The following SAMD7 variants were observed in gnomAD, a reference collection of about 807,000 sequenced individuals.
SAMD7 encodes the protein sterile alpha motif domain containing 7.
Under a neutral mutation model 36.7 loss-of-function variants are expected in SAMD7, and 34 were observed. The ratio of observed to expected loss-of-function variants is 0.93; its 90% CI spans 0.71 to 1.23. The LOEUF is 1.23. SAMD7 is among the 50% of genes most tolerant of loss of function. The pLI is 0.00. For synonymous variants in SAMD7, 188 were observed against 189.7 expected, an observed-to-expected ratio of 0.99 and a Z score of 0.07; for missense variants, 570 against 546.6, an observed-to-expected ratio of 1.04 and a Z score of -0.43.
intron 1 of SAMD7, among the ~76,000 whole-genome samples, chr3:169,914,926 C>G (rs948371689): frequency 4.6e-5 from 7 of 152,334 alleles, no homozygotes; most frequent in African/African-American, 1.7e-4. Context: ...CTCAATAGCA[C>G]TAGTCACCAT....
At chr3:169,918,289 T>C (rs1712902272) in intron 2 of SAMD7, among the ~76,000 whole-genome samples, 1 of 152,200 alleles carries the variant, frequency 6.6e-6, no homozygotes. Flanking sequence ...ACTGCAGTCA[T>C]CTTGCTGTGC....
At chr3:169,912,536 G>C (rs933623967) in intron 1 of SAMD7, among the ~76,000 whole-genome samples, 11 of 152,114 alleles carry the variant, frequency 7.2e-5, no homozygotes, top group Admixed American at 3.3e-4. Flanking sequence ...AAATTATATT[G>C]AGTCCAGTAG....
intron 7 of SAMD7, among the ~76,000 whole-genome samples, chr3:169,933,588 T>C (rs1713604317): frequency 6.6e-6 from 1 of 152,222 alleles, no homozygotes; most frequent in Admixed American, 6.5e-5. Context: ...GAGTGGAACA[T>C]TTCAGTCCTT....
In SAMD7 at chr3:169,928,595, G is replaced by A; in HGVS notation, c.1041+17G>A. The A allele has an allele frequency of 1.2e-6, 2 of 1,610,188 alleles. No individual in the cohort carries two copies. Among genetic ancestry groups the A allele is most frequent in the Non-Finnish European group, 1.7e-6 (2 of 1,178,254 alleles). ...TATGCTCAGGTGACTTAATGTTTAA[G>A]TATTTCCATACAAGAAAAACAGTTT... On this transcript the variant is annotated intron_variant, in intron 7 of 8. Coordinates refer to ENST00000335556, the MANE Select transcript of SAMD7 (RefSeq NM_001304366.2).
intron 2 of SAMD7, among the ~76,000 whole-genome samples, chr3:169,916,135 T>G (rs1340821467): frequency 6.6e-6 from 1 of 152,140 alleles, no homozygotes; most frequent in Non-Finnish European, 1.5e-5. Flanking sequence ...TGGACGAACC[T>G]GAAGGACATT....
intron 7 of SAMD7, among the ~76,000 whole-genome samples, chr3:169,928,797 G>A (rs957438203): frequency 6.6e-6 from 1 of 152,112 alleles, no homozygotes; most frequent in Non-Finnish European, 1.5e-5. Context: ...GCCATTGTCT[G>A]TCTTTAGCTT....
At chr3:169,912,964 G>C (rs1476409774) in intron 1 of SAMD7, among the ~76,000 whole-genome samples, 1 of 152,254 alleles carries the variant, frequency 6.6e-6, no homozygotes, top group Non-Finnish European at 1.5e-5. Context: ...GACTACAAAG[G>C]CCTCTGCAAA....
intron 3 of SAMD7, among the ~76,000 whole-genome samples, chr3:169,920,576 C>G (rs1442592816): frequency 3.9e-5 from 6 of 152,274 alleles, no homozygotes; most frequent in African/African-American, 1.4e-4. Context: ...ACTGGGTACC[C>G]TGGATTTCCC....
chr3:169,914,239 C>T (rs539176779), intron 1 of SAMD7, among the ~76,000 whole-genome samples: 1 of 152,230 alleles, frequency 6.6e-6, no homozygotes, highest in East Asian at 1.9e-4. Flanking sequence ...GTGTCCACTC[C>T]ATTTTTCTGT....
chr3:169,926,462 T>G, intron 5 of SAMD7, 91 bp from the exon 6 acceptor site: 1 of 1,323,992 alleles, frequency 7.6e-7, no homozygotes, highest in Non-Finnish European at 1.0e-6. Context: ...ATAAACAGTG[T>G]GAGGACTATT....
chr3:169,927,217 A>T lies in SAMD7; in HGVS notation c.919+36A>T, dbSNP rs776610019. The T allele has an allele frequency of 4.0e-6, 6 of 1,496,180 alleles. No homozygotes were observed. The African/African-American group carries it at 8.4e-5, about 21-fold the overall frequency. The allele number at this position is 1,496,180 out of a possible 1,614,324, so 92.7% of individuals were successfully genotyped here. A position where few individuals can be genotyped will look rare whatever the true frequency, so the allele number is the denominator to read the frequency against. On this transcript the variant is annotated intron_variant, in intron 6 of 8. Coordinates refer to ENST00000335556, the MANE Select transcript of SAMD7 (RefSeq NM_001304366.2). ...AGGGGCCAATGGCAGATCCTCATTA[A>T]CTACAGGTTGCCAAGTCCGTAGGTT...
chr3:169,915,730 G>T (rs532963242), intron 2 of SAMD7, among the ~76,000 whole-genome samples: 1 of 150,610 alleles, frequency 6.6e-6, no homozygotes, highest in East Asian at 2.0e-4. Flanking sequence ...GACTACAGGC[G>T]CCACACCCGG....
chr3:169,928,351 C>A (rs908531113), intron 6 of SAMD7, 106 bp from the exon 7 acceptor site: 10 of 821,704 alleles, frequency 1.2e-5, no homozygotes, highest in South Asian at 2.0e-5. Context: ...TCTTGTAAGG[C>A]GTTTGCAAAT....
chr3:169,915,094 T>C (rs1426807343), intron 1 of SAMD7, among the ~76,000 whole-genome samples: 2 of 152,222 alleles, frequency 1.3e-5, no homozygotes, highest in Non-Finnish European at 2.9e-5. Context: ...ATAATCCATA[T>C]GCAAAGGAGA....
chr3:169,929,752 A>T (rs564931371), intron 7 of SAMD7, among the ~76,000 whole-genome samples: 1 of 152,336 alleles, frequency 6.6e-6, no homozygotes, highest in Admixed American at 6.5e-5. Context: ...CATGAATTTC[A>T]TCATTATACC....
chr3:169,934,090 A>G lies in SAMD7; in HGVS notation c.1042-2249A>G, dbSNP rs114613991. Among the ~76,000 whole-genome samples, 769 of 152,248 alleles carry G rather than the reference A, an allele frequency of 5.1e-3. 3 individuals are homozygous for G. The highest frequency in any genetic ancestry group is 0.018 in the African/African-American group (733 of 41,548). On this transcript the variant is annotated intron_variant, in intron 7 of 8. Transcript: ENST00000335556. ...GGAGAGGTGGGGAGAGCAAGATGAG[A>G]CTGGAGAGGTGGACAGGGCCAGGTC...
Position 169,919,515 on chromosome 3 carries a change from T to C in SAMD7, c.17T>C (p.Leu6Ser). 1 of 1,614,176 alleles carries C rather than the reference T, an allele frequency of 6.2e-7. No homozygotes were observed. The highest frequency in any genetic ancestry group is 8.5e-7 in the Non-Finnish European group (1 of 1,180,006). Residue 6 changes from leucine to serine, a missense_variant, in exon 3 of 9, where the codon TTA becomes TCA. Leu to Ser is a moderately radical substitution (Grantham distance 145). Coordinates refer to ENST00000335556, the MANE Select transcript of SAMD7 (RefSeq NM_001304366.2). ...AACCCGGTGATGGCTGTGAACCCTT[T>C]ATTGACACCAACAGGGCAGCAGACA... is the stretch of plus-strand genomic sequence containing the variant. MAVNPLLTPTGQQTIP... is the reference protein window; with the variant it reads MAVNPSLTPTGQQTIP...
At chr3:169,917,262 C>T (rs1270202978) in intron 2 of SAMD7, among the ~76,000 whole-genome samples, 1 of 152,036 alleles carries the variant, frequency 6.6e-6, no homozygotes, top group East Asian at 1.9e-4. Flanking sequence ...AATGAATTAA[C>T]CTCTATTTTA....
intron 2 of SAMD7, among the ~76,000 whole-genome samples, chr3:169,916,299 GA>G (rs1712796238): frequency 6.6e-6 from 1 of 152,142 alleles, no homozygotes; most frequent in South Asian, 2.1e-4. Flanking sequence ...TTGTCCAATG[GA>G]TAAAGTTTCT....
Sources: allele counts gnomAD v4.1 joint callset (sites outside exome capture counted in the v4.1 genomes callset), GRCh38; gene constraint gnomAD v4.1.1; transcripts MANE v1.5; gene names NCBI Gene and HGNC (gene_info 2026-07-23, HGNC 2026-07-21).